Variants in RTCB observed in about 807,000 individuals in gnomAD.
The protein encoded by RTCB is RNA 2',3'-cyclic phosphate and 5'-OH ligase.
RTCB carries 32 observed loss-of-function variants against 58.2 expected under a neutral mutation model. The observed-to-expected ratio is 0.55, with a 90% CI of 0.41 to 0.74. The LOEUF (loss-of-function observed/expected upper bound fraction) is 0.74. RTCB is among the 30% of genes least tolerant of loss of function. The pLI, the probability that RTCB is intolerant of heterozygous loss-of-function variation, is 0.00. For missense variants in RTCB, 523 were observed against 639.0 expected (o/e 0.82, Z 1.96); for synonymous variants, 247 against 218.6 (o/e 1.13, Z -1.15).
intron 4 of RTCB, among the ~76,000 whole-genome samples, chr22:32,402,353 T>C (rs1933350107): frequency 6.6e-6 from 1 of 152,248 alleles, no homozygotes; most frequent in Non-Finnish European, 1.5e-5. Flanking sequence ...GTCACTGATA[T>C]TCCAGCCTTT....
intron 4 of RTCB, among the ~76,000 whole-genome samples, chr22:32,406,457 G>A (rs1569442915): frequency 6.6e-6 from 1 of 152,004 alleles, no homozygotes; most frequent in Non-Finnish European, 1.5e-5. Context: ...CAAGTAGCTG[G>A]GAGTACAGGT....
intron 11 of RTCB, among the ~76,000 whole-genome samples, chr22:32,390,562 C>A (rs1185125970): frequency 6.6e-6 from 1 of 152,106 alleles, no homozygotes; most frequent in Non-Finnish European, 1.5e-5. Context: ...CGTTCTCCTG[C>A]CTCAGCCTCC....
At chr22:32,396,014 T>A (rs1427326828) in intron 8 of RTCB, 60 bp downstream of exon 8, 1 of 1,567,478 alleles carries the variant, frequency 6.4e-7, no homozygotes, top group African/African-American at 1.4e-5. Context: ...CTGCACTATG[T>A]TTTAAAGCAC....
intron 2 of RTCB, 90 bp from the exon 3 acceptor site, chr22:32,408,332 A>G (rs578086100): frequency 3.8e-6 from 4 of 1,043,470 alleles, no homozygotes; most frequent in Non-Finnish European, 5.8e-6. Context: ...TAACGTGAAG[A>G]GGTAGTCATT....
Position 32,395,064 on chromosome 22 carries a change from A to G in RTCB, c.1141T>C (p.Phe381Leu). 1 of 1,614,126 alleles carries G rather than the reference A, an allele frequency of 6.2e-7. No homozygotes were observed. Among genetic ancestry groups the G allele is most frequent in the Non-Finnish European group, 8.5e-7 (1 of 1,180,022 alleles). The change falls in exon 9 of 12, where the codon TTC becomes CTC. Residue 381 changes from phenylalanine (F) to leucine (L), a missense_variant. Coordinates refer to ENST00000216038, the MANE Select transcript of RTCB (RefSeq NM_014306.5). Reference sequence around the variant, plus strand: ...GCAATGAGGGGATGGTGAGGAGGGAAAGCGCGGGTGGATCCCTTCCTGTGT... The same window carrying G: ...GCAATGAGGGGATGGTGAGGAGGGAGAGCGCGGGTGGATCCCTTCCTGTGT... ...LVHRKGSTRA[F>L]PPHHPLIAVD...
At chr22:32,399,505 G>T in intron 6 of RTCB, 98 bp downstream of exon 6, 2 of 1,138,724 alleles carry the variant, frequency 1.8e-6, no homozygotes, top group Non-Finnish European at 2.5e-6. Context: ...AAAAAACCTG[G>T]GAATATGTTT....
intron 5 of RTCB, among the ~76,000 whole-genome samples, chr22:32,400,273 C>T (rs897317263): frequency 3.9e-5 from 6 of 152,302 alleles, no homozygotes; most frequent in Non-Finnish European, 5.9e-5. Context: ...TTCCCATCTT[C>T]ACAGAAGTTC....
chr22:32,394,932 A>G, intron 9 of RTCB, 94 bp downstream of exon 9: 1 of 1,111,472 alleles, frequency 9.0e-7, no homozygotes, highest in Non-Finnish European at 1.3e-6. Flanking sequence ...TTTTCTTTTC[A>G]CAATTGCTGC....
chr22:32,389,358 T>C (rs1933113327), intron 11 of RTCB, among the ~76,000 whole-genome samples: 2 of 152,336 alleles, frequency 1.3e-5, no homozygotes, highest in South Asian at 4.1e-4. Context: ...TAACTTTATC[T>C]TCCCCACATA....
chr22:32,394,086 T>C lies in RTCB; in HGVS notation c.1180-84A>G, dbSNP rs185361499. 114 of 864,230 alleles carry C rather than the reference T, an allele frequency of 1.3e-4. 1 individual carries two copies. Among genetic ancestry groups the C allele is most frequent in the South Asian group, 8.1e-4 (55 of 67,968 alleles). 53.5% of individuals were successfully genotyped at this position (864,230 alleles called of 1,614,324 possible). ...ATAAAATTTAAATTTTCTCTTGCACTGTAGGATTGTAGGAGAAACCCAGAC... is the reference window on the plus strand; with the variant it reads ...ATAAAATTTAAATTTTCTCTTGCACCGTAGGATTGTAGGAGAAACCCAGAC... On this transcript the variant is annotated intron_variant, in intron 9 of 11. Coordinates refer to ENST00000216038, the MANE Select transcript of RTCB (RefSeq NM_014306.5).
At chr22:32,405,801 T>G (rs1569442774) in intron 4 of RTCB, among the ~76,000 whole-genome samples, 1 of 152,182 alleles carries the variant, frequency 6.6e-6, no homozygotes, top group Non-Finnish European at 1.5e-5. Context: ...TCTCAAGATG[T>G]CATTTAAACT....
At chr22:32,395,848 C>T (rs981765415) in intron 8 of RTCB, among the ~76,000 whole-genome samples, 1 of 152,130 alleles carries the variant, frequency 6.6e-6, no homozygotes, top group African/African-American at 2.4e-5. Flanking sequence ...GCACCCGCCA[C>T]GACGACCAGC....
intron 11 of RTCB, among the ~76,000 whole-genome samples, chr22:32,390,059 G>A (rs1475427105): frequency 3.3e-5 from 5 of 152,012 alleles, no homozygotes; most frequent in African/African-American, 1.2e-4. Context: ...CTCTCTTCAG[G>A]TCTTTGCTCT....
At chr22:32,390,283 T>C (rs1474825852) in intron 11 of RTCB, among the ~76,000 whole-genome samples, 3 of 152,206 alleles carry the variant, frequency 2.0e-5, no homozygotes, top group Non-Finnish European at 4.4e-5. Context: ...TACCTAACTA[T>C]AGCGGATGGT....
Position 32,393,982 on chromosome 22 carries a change from G to C in RTCB, c.1200C>G (p.Leu400=), listed in dbSNP as rs757581327. ...VDYQLTGQPV[L]IGGTMGTCSY... ...TACAGGTTCCCATGGTGCCACCAATGAGCACTGGCTGTCCAGTGAGCTGAG... is the reference window on the plus strand; with the variant it reads ...TACAGGTTCCCATGGTGCCACCAATCAGCACTGGCTGTCCAGTGAGCTGAG... Residue 400 remains leucine (L), a synonymous_variant, in exon 10 of 12, where the codon CTC becomes CTG. Transcript: ENST00000216038. 1 of 1,613,176 alleles carries C rather than the reference G, an allele frequency of 6.2e-7. No individual in the cohort carries two copies. The highest frequency in any genetic ancestry group is 8.5e-7 in the Non-Finnish European group (1 of 1,179,244).
intron 9 of RTCB, among the ~76,000 whole-genome samples, chr22:32,394,567 A>G (rs992909657): frequency 4.6e-5 from 7 of 152,186 alleles, no homozygotes; most frequent in African/African-American, 1.7e-4. Flanking sequence ...GCAAAATCCA[A>G]AAGTGTAGAG....
At chr22:32,400,467 CATTTT>C (rs1569441817) in intron 5 of RTCB, among the ~76,000 whole-genome samples, 1 of 152,206 alleles carries the variant, frequency 6.6e-6, no homozygotes, top group Non-Finnish European at 1.5e-5. Flanking sequence ...ATCATTATTT[CATTTT>C]GTTATTATTT....
intron 7 of RTCB, 63 bp downstream of exon 7, chr22:32,397,878 G>C: frequency 6.7e-7 from 1 of 1,495,536 alleles, no homozygotes. Context: ...CAGAGTTTTC[G>C]CTCTTAAATT....
At chr22:32,389,542 C>T (rs1933117320) in intron 11 of RTCB, among the ~76,000 whole-genome samples, 1 of 152,046 alleles carries the variant, frequency 6.6e-6, no homozygotes, top group Admixed American at 6.6e-5. Flanking sequence ...AAACTCCTGG[C>T]TTTAAGCGAT....
Sources: allele counts gnomAD v4.1 joint callset (sites outside exome capture counted in the v4.1 genomes callset), GRCh38; gene constraint gnomAD v4.1.1; transcripts MANE v1.5; gene names NCBI Gene and HGNC (gene_info 2026-07-23, HGNC 2026-07-21).